Variants in SRPK2 observed in about 807,000 individuals in gnomAD.
SRPK2 encodes SRSF protein kinase 2, also known as SFRS protein kinase 2.
Under a neutral mutation model 90.8 loss-of-function variants are expected in SRPK2, and 21 were observed. The observed-to-expected ratio is 0.23, with a 90% CI of 0.16 to 0.33. The LOEUF is 0.33. SRPK2 is among the 10% of genes least tolerant of loss of function. The pLI is 1.00. For synonymous variants in SRPK2, 288 were observed against 311.1 expected, an observed-to-expected ratio of 0.93 and a Z score of 0.78; for missense variants, 620 against 869.0, an observed-to-expected ratio of 0.71 and a Z score of 3.60.
chr7:105,138,041 A>G (rs1803141836), intron 11 of SRPK2, among the ~76,000 whole-genome samples: 1 of 152,212 alleles, frequency 6.6e-6, no homozygotes, highest in African/African-American at 2.4e-5. Flanking sequence ...GAATTTGCCA[A>G]TATTAAAATG....
chr7:105,385,472 G>A (rs77870790), intron 2 of SRPK2, among the ~76,000 whole-genome samples: 1 of 152,078 alleles, frequency 6.6e-6, no homozygotes, highest in South Asian at 2.1e-4. Context: ...CACCGCGCCC[G>A]GACAGCAGCC....
chr7:105,275,291 C>G (rs943384623), intron 2 of SRPK2, among the ~76,000 whole-genome samples: 1 of 152,154 alleles, frequency 6.6e-6, no homozygotes, highest in Non-Finnish European at 1.5e-5. Context: ...TTTTAAAATG[C>G]TATTTTCTTT....
At chr7:105,175,308 T>G (rs1791699583) in intron 3 of SRPK2, among the ~76,000 whole-genome samples, 1 of 151,532 alleles carries the variant, frequency 6.6e-6, no homozygotes, top group Non-Finnish European at 1.5e-5. Context: ...AAAAAGAAAA[T>G]AGCAAGTATT....
intron 14 of SRPK2, 129 bp from the exon 15 acceptor site, chr7:105,126,469 A>T (rs1411216104): frequency 2.9e-6 from 2 of 696,598 alleles, no homozygotes; most frequent in African/African-American, 3.6e-5. Flanking sequence ...TCTGCAGCAC[A>T]TCCATGCAGA....
chr7:105,181,063 T>C (rs1243034558), intron 3 of SRPK2, among the ~76,000 whole-genome samples: 1 of 151,930 alleles, frequency 6.6e-6, no homozygotes, highest in Non-Finnish European at 1.5e-5. Flanking sequence ...GCAAAGGACA[T>C]GAATAGACAT....
chr7:105,223,398 T>C (rs545599842), intron 2 of SRPK2, among the ~76,000 whole-genome samples: 1 of 152,360 alleles, frequency 6.6e-6, no homozygotes, highest in South Asian at 2.1e-4. Flanking sequence ...CTTTGCACTT[T>C]GTCCCTGACA....
At chr7:105,170,903 G>GAA (rs1168226317) in intron 3 of SRPK2, among the ~76,000 whole-genome samples, 4 of 73,344 alleles carry the variant, frequency 5.5e-5, no homozygotes, top group African/African-American at 2.0e-4. Context: ...AAGAAAGAAA[G>GAA]AAAGAAAGAA....
chr7:105,198,821 A>G (rs1282371194), intron 3 of SRPK2, among the ~76,000 whole-genome samples: 5 of 152,200 alleles, frequency 3.3e-5, no homozygotes, highest in Non-Finnish European at 7.3e-5. Context: ...TAGATGAAAA[A>G]CCAAAGCCTA....
At chr7:105,369,144 T>C (rs1819425724) in intron 2 of SRPK2, among the ~76,000 whole-genome samples, 1 of 149,254 alleles carries the variant, frequency 6.7e-6, no homozygotes, top group Non-Finnish European at 1.5e-5. Flanking sequence ...ATTATTATTA[T>C]TATTATTATT....
At chr7:105,266,245 G>A (rs1585437978) in intron 2 of SRPK2, among the ~76,000 whole-genome samples, 1 of 129,852 alleles carries the variant, frequency 7.7e-6, no homozygotes, top group African/African-American at 2.5e-5. Flanking sequence ...AAATAAATTA[G>A]GTTGTTTTGC....
intron 3 of SRPK2, among the ~76,000 whole-genome samples, chr7:105,194,336 T>C (rs1794657011): frequency 6.6e-6 from 1 of 152,132 alleles, no homozygotes; most frequent in Non-Finnish European, 1.5e-5. Context: ...ACCACTTCTA[T>C]TCAACCTCAT....
intron 2 of SRPK2, among the ~76,000 whole-genome samples, chr7:105,312,449 A>AAAAAAC (rs1263908083): frequency 3.3e-5 from 5 of 151,636 alleles, no homozygotes; most frequent in Non-Finnish European, 7.4e-5. Flanking sequence ...AAAAAAAAAA[A>AAAAAAC]AAAAACAAGC....
chr7:105,129,551 T>C (rs925429666), intron 13 of SRPK2, among the ~76,000 whole-genome samples: 4 of 152,102 alleles, frequency 2.6e-5, no homozygotes, highest in African/African-American at 9.7e-5. Flanking sequence ...ATTTTTGTAT[T>C]TTCAGTAGAG....
intron 2 of SRPK2, among the ~76,000 whole-genome samples, chr7:105,232,778 G>A (rs1027536818): frequency 5.3e-5 from 8 of 151,916 alleles, no homozygotes; most frequent in Non-Finnish European, 1.2e-4. Flanking sequence ...ACTTTGGGAG[G>A]CTGAGGCAGG....
intron 2 of SRPK2, among the ~76,000 whole-genome samples, chr7:105,349,993 T>C (rs910407223): frequency 6.6e-6 from 1 of 150,786 alleles, no homozygotes; most frequent in Non-Finnish European, 1.5e-5. Context: ...TGCCTCAGCC[T>C]CCCAAAGTGC....
At chr7:105,389,218 C>T, upstream of SRPK2, 1 of 1,198,618 alleles carries the variant, frequency 8.3e-7, no homozygotes, top group Non-Finnish European at 1.1e-6. Context: ...ACCCTCCCTC[C>T]CCGCCGCGGC....
At chr7:105,215,315 T>C (rs1385102931) in intron 2 of SRPK2, among the ~76,000 whole-genome samples, 1 of 152,064 alleles carries the variant, frequency 6.6e-6, no homozygotes. Flanking sequence ...TCACACCTAC[T>C]AGGATGGCAA....
At chr7:105,288,125 A>G (rs1808415659) in intron 2 of SRPK2, among the ~76,000 whole-genome samples, 1 of 152,160 alleles carries the variant, frequency 6.6e-6, no homozygotes, top group Admixed American at 6.5e-5. Flanking sequence ...TTCTCACACT[A>G]TTCTATCATT....
At chr7:105,168,447 A>G (rs1210967835) in intron 4 of SRPK2, among the ~76,000 whole-genome samples, 1 of 152,172 alleles carries the variant, frequency 6.6e-6, no homozygotes, top group Non-Finnish European at 1.5e-5. Flanking sequence ...CCAAAATCCA[A>G]AACACTTCTG....
Sources: gnomAD v4.1 joint callset for allele counts (sites outside exome capture counted in the v4.1 genomes callset) on GRCh38, gnomAD v4.1.1 for gene constraint, MANE v1.5 for transcripts, NCBI Gene and HGNC (gene_info 2026-07-23, HGNC 2026-07-21) for gene names.